The following RASL11B variants were observed in gnomAD, a reference collection of about 807,000 sequenced individuals.
RASL11B encodes ras-like protein family member 11B.
Under a neutral mutation model 22.9 loss-of-function variants are expected in RASL11B, and 14 were observed. The observed-to-expected ratio is 0.61, with a 90% CI of 0.40 to 0.96. The LOEUF is 0.96. Among genes scored for constraint, RASL11B ranks in the 40% least tolerant of loss-of-function variants. RASL11B has a pLI of 0.00. For missense variants in RASL11B, 261 were observed against 322.0 expected (o/e 0.81, Z 1.45); for synonymous variants, 143 against 130.2 (o/e 1.10, Z -0.67).
chr4:52,863,534 T>C (rs1330136791), intron 2 of RASL11B: 3 of 590,886 alleles, frequency 5.1e-6, no homozygotes, highest in Non-Finnish European at 9.1e-6. Flanking sequence ...TTCATCATTT[T>C]ATCAAGTGCC....
rs8287 is a variant in RASL11B at position 52,866,419 on chromosome 4, T to C, written c.*614T>C. ...GGTTGAGTTTATGGGCCAGAATATT[T>C]TGTATACCAGACATTGGTAAGCTCT... On this transcript the variant is annotated 3_prime_UTR_variant, in exon 4 of 4. Transcript: ENST00000248706. 45,909 of 153,008 alleles carry C rather than the reference T, an allele frequency of 0.3. 7,611 individuals carry two copies. Among genetic ancestry groups the C allele is most frequent in the African/African-American group, 0.45 (18,629 of 41,438 alleles). The allele number at this position is 153,008 out of a possible 1,614,324, so 9.5% of individuals were successfully genotyped here.
chr4:52,863,373 C>T (rs755242657), intron 2 of RASL11B, 49 bp downstream of exon 2: 4 of 1,485,008 alleles, frequency 2.7e-6, no homozygotes, highest in South Asian at 1.2e-5. Flanking sequence ...AGGAGGACTG[C>T]GGTTCCCATT....
Position 52,865,468 on chromosome 4 carries a change from A to C in RASL11B, c.410A>C (p.Gln137Pro). 6.2e-7 allele frequency: 1 copy of C among 1,614,228 alleles called. No individual in the cohort carries two copies. ...ATCAGCCAGCTCCACCAGCACGTGC[A>C]GCAGCTACACCTGGGCACCCGGCTG... ...ELISQLHQHVQQLHLGTRLPV... is the reference protein window; with the variant it reads ...ELISQLHQHVPQLHLGTRLPV... The change falls in exon 4 of 4, where the codon CAG becomes CCG. Residue 137 changes from glutamine to proline, a missense_variant. By Grantham distance (76) the Gln-to-Pro change is moderately conservative. Transcript: ENST00000248706.
Position 52,865,984 on chromosome 4 carries a change from A to T in RASL11B, c.*179A>T. 1 of 602,538 alleles carries T rather than the reference A, an allele frequency of 1.7e-6. No individual in the cohort carries two copies. 37.3% of individuals were successfully genotyped at this position (602,538 alleles called of 1,614,324 possible). A position where few individuals can be genotyped will look rare whatever the true frequency, so the allele number is the denominator to read the frequency against. ...GAAGTGTTGTTCTGAGCAGGGGGAC[A>T]GGATTGATGAGGCTTGAAAGAGCCC... is the stretch of plus-strand genomic sequence containing the variant. On this transcript the variant is annotated 3_prime_UTR_variant, in exon 4 of 4. Transcript: ENST00000248706.
In RASL11B at chr4:52,865,506, G is replaced by A. The variant is rs200658372; in HGVS notation, c.448G>A (p.Val150Met). 4.3e-6 allele frequency: 7 copies of A among 1,614,216 alleles called. No homozygotes were observed. The highest frequency in any genetic ancestry group is 2.7e-5 in the African/African-American group (2 of 75,066). ...HLGTRLPVVV[V>M]ANKADLLHIK... is the part of the protein sequence containing the mutation. ...GGGCACCCGGCTGCCTGTGGTGGTC[G>A]TGGCCAACAAAGCTGACCTGTTGCA... Residue 150 changes from valine to methionine, a missense_variant, in exon 4 of 4, where the codon GTG (valine) becomes ATG (methionine). Transcript: ENST00000248706.
intron 2 of RASL11B, chr4:52,864,205 G>A: frequency 3.0e-6 from 1 of 328,852 alleles, no homozygotes; most frequent in South Asian, 4.7e-5. Flanking sequence ...TTGCATCAAG[G>A]GAGTACTCTA....
chr4:52,863,444 T>G (rs1718199916), intron 2 of RASL11B, 120 bp downstream of exon 2: 1 of 810,464 alleles, frequency 1.2e-6, no homozygotes, highest in Non-Finnish European at 2.1e-6. Flanking sequence ...TCCCGCCACT[T>G]AAAACTTTCC....
chr4:52,866,795 A>G lies in RASL11B; in HGVS notation c.*990A>G, dbSNP rs1420813113. On this transcript the variant is annotated 3_prime_UTR_variant, in exon 4 of 4. Transcript: ENST00000248706. ...CACTCATGCTTTGGCTTAAACTGTA[A>G]TTAATTTATTTTATGTACAATAAAT... The G allele has an allele frequency of 1.3e-5, 2 of 152,654 alleles. No homozygotes were observed. Among genetic ancestry groups the G allele is most frequent in the Non-Finnish European group, 2.9e-5 (2 of 68,046 alleles). 9.5% of individuals were successfully genotyped at this position (152,654 alleles called of 1,614,324 possible). A position where few individuals can be genotyped will look rare whatever the true frequency, so the allele number is the denominator to read the frequency against.
At position 52,864,539 on chromosome 4, in the gene RASL11B, C is replaced by A. The variant is rs757357095; in HGVS notation, c.261C>A (p.Asp87Glu). The stretch of plus-strand genomic sequence containing the variant: ...AAACCCTGGCTCTTCAGGTTCAAGA[C>A]ACTCCAGGTATTCAGGTGAGAAGCT... ...EGETLALQVQ[D>E]TPGIQVHENS... The change falls in exon 3 of 4, where the codon GAC (aspartate) becomes GAA (glutamate). Residue 87 changes from aspartate to glutamate, a missense_variant. By Grantham distance (45) the Asp-to-Glu change is conservative. Coordinates refer to ENST00000248706, the MANE Select transcript of RASL11B (RefSeq NM_023940.3). 6 of 1,607,992 alleles carry A rather than the reference C, an allele frequency of 3.7e-6. No individual in the cohort carries two copies. The highest frequency in any genetic ancestry group is 5.1e-6 in the Non-Finnish European group (6 of 1,174,478).
chr4:52,863,484 T>A (rs1718201100), intron 2 of RASL11B, 160 bp downstream of exon 2: 1 of 641,020 alleles, frequency 1.6e-6, no homozygotes, highest in Non-Finnish European at 2.8e-6. Context: ...GGCGCCCCCC[T>A]CCCATAACTA....
rs370329858 is a variant in RASL11B at position 52,865,489 on chromosome 4, G to A, written c.431G>A (p.Arg144Gln). The change falls in exon 4 of 4, where the codon CGG (arginine) becomes CAG (glutamine). Residue 144 changes from arginine (R) to glutamine (Q), a missense_variant. Physicochemically the swap from Arg to Gln is conservative, Grantham distance 43. Transcript: ENST00000248706. ...GTGCAGCAGCTACACCTGGGCACCC[G>A]GCTGCCTGTGGTGGTCGTGGCCAAC... is the stretch of plus-strand genomic sequence containing the variant. Reference protein sequence around the residue: ...QHVQQLHLGTRLPVVVVANKA... With the variant: ...QHVQQLHLGTQLPVVVVANKA... The A allele has an allele frequency of 6.8e-6, 11 of 1,614,060 alleles. No individual in the cohort carries two copies. In the Middle Eastern group the frequency reaches 4.9e-4, roughly 72 times the overall value.
chr4:52,863,613 A>T (rs1040771456), intron 2 of RASL11B: 17 of 370,916 alleles, frequency 4.6e-5, no homozygotes, highest in Non-Finnish European at 8.4e-5. Flanking sequence ...GTAGTCAAGA[A>T]CCTCTCCCTT....
intron 1 of RASL11B, 28 bp from the exon 2 acceptor site, chr4:52,863,240 C>G: frequency 1.2e-6 from 2 of 1,607,442 alleles, no homozygotes; most frequent in Non-Finnish European, 1.7e-6. Flanking sequence ...AAGGTTAACA[C>G]TTTGACGTTC....
Position 52,864,577 on chromosome 4 carries a change from G to A in RASL11B, c.276+23G>A, listed in dbSNP as rs777338010. 4.7e-6 allele frequency: 7 copies of A among 1,482,846 alleles called. No individual in the cohort carries two copies. The East Asian group carries it at 1.6e-4, about 33-fold the overall frequency. 91.9% of individuals were successfully genotyped at this position (1,482,846 alleles called of 1,614,324 possible). The stretch of plus-strand genomic sequence containing the variant: ...CAGGTGAGAAGCTCTGAGACTCTGG[G>A]TGAAAGGGGAACCTACTTGGCTGTG... On this transcript the variant is annotated intron_variant, in intron 3 of 3. Coordinates refer to ENST00000248706, the MANE Select transcript of RASL11B (RefSeq NM_023940.3).
At position 52,866,632 on chromosome 4, in the gene RASL11B, C is replaced by G. The variant is rs1718266909; in HGVS notation, c.*827C>G. The G allele has an allele frequency of 6.6e-6, 1 of 152,572 alleles. No individual in the cohort carries two copies. The highest frequency in any genetic ancestry group is 1.5e-5 in the Non-Finnish European group (1 of 68,040). 9.5% of individuals were successfully genotyped at this position (152,572 alleles called of 1,614,324 possible). On this transcript the variant is annotated 3_prime_UTR_variant, in exon 4 of 4. Transcript: ENST00000248706. ...TTTGGTGTGACTTGTGTAAATGGTT[C>G]ATGGCAATGACGTTGGGTTGCTTCC...
chr4:52,864,538 A>G lies in RASL11B; in HGVS notation c.260A>G (p.Asp87Gly). The change falls in exon 3 of 4, where the codon GAC becomes GGC. Residue 87 changes from aspartate (D) to glycine (G), a missense_variant. Transcript: ENST00000248706. Reference sequence around the variant, plus strand: ...GAAACCCTGGCTCTTCAGGTTCAAGACACTCCAGGTATTCAGGTGAGAAGC... The same window carrying G: ...GAAACCCTGGCTCTTCAGGTTCAAGGCACTCCAGGTATTCAGGTGAGAAGC... The part of the protein sequence containing the change: ...EGETLALQVQ[D>G]TPGIQVHENS... 1.2e-6 allele frequency: 2 copies of G among 1,608,880 alleles called. No individual in the cohort carries two copies. The highest frequency in any genetic ancestry group is 4.5e-5 in the East Asian group (2 of 44,872).
chr4:52,866,167 A>G lies in RASL11B; in HGVS notation c.*362A>G, dbSNP rs1718256710. 4.4e-6 allele frequency: 1 copy of G among 228,774 alleles called. No individual in the cohort carries two copies. Among genetic ancestry groups the G allele is most frequent in the African/African-American group, 2.3e-5 (1 of 44,114 alleles). 14.2% of individuals were successfully genotyped at this position (228,774 alleles called of 1,614,324 possible). A position where few individuals can be genotyped will look rare whatever the true frequency, so the allele number is the denominator to read the frequency against. On this transcript the variant is annotated 3_prime_UTR_variant, in exon 4 of 4. Transcript: ENST00000248706. ...ATTGATGTGATTTACAGTGGGAATG[A>G]AAGAACAGATTAAGCATTGATAGGC...
At chr4:52,864,965 T>C (rs899026406) in intron 3 of RASL11B, among the ~76,000 whole-genome samples, 1 of 151,934 alleles carries the variant, frequency 6.6e-6, no homozygotes, top group Non-Finnish European at 1.5e-5. Flanking sequence ...CATGCTAGGG[T>C]TTTTCCCCCC....
At chr4:52,865,272 C>A in intron 3 of RASL11B, 63 bp from the exon 4 acceptor site, 1 of 1,405,480 alleles carries the variant, frequency 7.1e-7, no homozygotes, top group Non-Finnish European at 9.8e-7. Flanking sequence ...TTGAAATCTA[C>A]CCAAGCCCAG....
Sources: gnomAD v4.1 joint callset for allele counts (sites outside exome capture counted in the v4.1 genomes callset) on GRCh38, gnomAD v4.1.1 for gene constraint, MANE v1.5 for transcripts, NCBI Gene and HGNC (gene_info 2026-07-23, HGNC 2026-07-21) for gene names.